Variants in NSUN7 observed in about 807,000 individuals in gnomAD.
NSUN7 encodes protein NSUN7.
NSUN7 carries 39 observed loss-of-function variants against 58.5 expected under a neutral mutation model. The observed-to-expected ratio is 0.67, with a 90% CI of 0.52 to 0.87. The LOEUF (loss-of-function observed/expected upper bound fraction) is 0.87. NSUN7 is among the 40% of genes least tolerant of loss of function. The pLI is 0.00. For synonymous variants in NSUN7, 278 were observed against 303.7 expected, an observed-to-expected ratio of 0.92 and a Z score of 0.88; for missense variants, 765 against 844.1, an observed-to-expected ratio of 0.91 and a Z score of 1.16.
chr4:40,790,189 TCTCAGTCTTCA>T (rs1303486120), intron 7 of NSUN7, among the ~76,000 whole-genome samples: 1 of 151,958 alleles, frequency 6.6e-6, no homozygotes, highest in African/African-American at 2.4e-5. Flanking sequence ...AACTACTTTA[TCTCAGTCTTCA>T]CCACAGTTAT....
intron 7 of NSUN7, among the ~76,000 whole-genome samples, chr4:40,786,904 A>T (rs1742850884): frequency 6.6e-6 from 1 of 152,202 alleles, no homozygotes; most frequent in African/African-American, 2.4e-5. Flanking sequence ...TGCTTCTTAA[A>T]GTGGTCTCTT....
intron 2 of NSUN7, among the ~76,000 whole-genome samples, chr4:40,752,452 ACT>A (rs1374094039): frequency 2.0e-5 from 3 of 152,064 alleles, no homozygotes; most frequent in Admixed American, 1.3e-4. Context: ...ATGGAGTCTC[ACT>A]CTGTCGCCCA....
intron 7 of NSUN7, among the ~76,000 whole-genome samples, chr4:40,787,704 TA>T (rs1411549914): frequency 3.3e-5 from 5 of 152,228 alleles, no homozygotes; most frequent in Non-Finnish European, 7.3e-5. Flanking sequence ...TTAAAAATTT[TA>T]TTCCTATATG....
chr4:40,796,368 TG>T (rs1743325306), intron 9 of NSUN7, among the ~76,000 whole-genome samples: 1 of 151,710 alleles, frequency 6.6e-6, no homozygotes, highest in East Asian at 1.9e-4. Context: ...GGGCTAGGCA[TG>T]GTGGCTCATG....
intron 10 of NSUN7, among the ~76,000 whole-genome samples, chr4:40,804,564 T>G (rs1394767873): frequency 6.6e-6 from 1 of 152,220 alleles, no homozygotes; most frequent in African/African-American, 2.4e-5. Context: ...ATTTAGTAAT[T>G]ACATTTTCCA....
chr4:40,805,233 A>C (rs1353829120), intron 10 of NSUN7, among the ~76,000 whole-genome samples: 1 of 152,180 alleles, frequency 6.6e-6, no homozygotes, highest in Non-Finnish European at 1.5e-5. Flanking sequence ...CTGGCATGGC[A>C]CAGCCAGGTT....
At position 40,811,042 on chromosome 4, in the gene NSUN7, A is replaced by AATT. The variant is rs1744297659; in HGVS notation, c.*2104_*2106dup. 1.3e-5 allele frequency: 2 copies of AATT among 152,198 alleles called. No individual in the cohort carries two copies. Among genetic ancestry groups the AATT allele is most frequent in the East Asian group, 3.8e-4 (2 of 5,204 alleles). 9.4% of individuals were successfully genotyped at this position (152,198 alleles called of 1,614,324 possible). ...TCATTGTTATGGAATAGTTTAGGAT[A>AATT]ATTTTCTGATCTCTACAGTAGCATG... On this transcript the variant is annotated 3_prime_UTR_variant, in exon 12 of 12. Transcript: ENST00000381782.
intron 4 of NSUN7, among the ~76,000 whole-genome samples, chr4:40,765,352 G>A (rs1354227744): frequency 7.0e-6 from 1 of 141,936 alleles, no homozygotes; most frequent in African/African-American, 2.6e-5. Context: ...TTTCCCCATT[G>A]CTTGTTTTTC....
intron 2 of NSUN7, among the ~76,000 whole-genome samples, chr4:40,757,347 G>A (rs1026964068): frequency 5.3e-5 from 8 of 152,066 alleles, no homozygotes; most frequent in African/African-American, 1.9e-4. Context: ...TAAGTGTTCC[G>A]AATGTGTTTA....
intron 7 of NSUN7, among the ~76,000 whole-genome samples, chr4:40,784,462 T>C (rs1014152245): frequency 2.0e-5 from 3 of 152,214 alleles, no homozygotes; most frequent in Admixed American, 6.5e-5. Flanking sequence ...GAAATCCTAA[T>C]GGTGCAAGAT....
chr4:40,772,188 G>A (rs753246228), intron 4 of NSUN7, among the ~76,000 whole-genome samples: 5 of 151,876 alleles, frequency 3.3e-5, no homozygotes, highest in Admixed American at 6.6e-5. Flanking sequence ...CACTCCTCCC[G>A]TATACACAGC....
intron 4 of NSUN7, among the ~76,000 whole-genome samples, chr4:40,767,828 T>C (rs569256272): frequency 6.6e-6 from 1 of 152,224 alleles, no homozygotes. Context: ...CTTCATTTTT[T>C]TCCTCTGCAC....
At chr4:40,793,761 T>C (rs897314271) in intron 8 of NSUN7, among the ~76,000 whole-genome samples, 28 of 152,368 alleles carry the variant, frequency 1.8e-4, no homozygotes, top group East Asian at 1.3e-3. Flanking sequence ...TTAGAAGGGC[T>C]AGTAATTCTT....
intron 9 of NSUN7, among the ~76,000 whole-genome samples, chr4:40,798,034 C>G (rs140656705): frequency 5.6e-4 from 86 of 152,340 alleles, no homozygotes; most frequent in African/African-American, 2.0e-3. Flanking sequence ...AGTCTACCCA[C>G]AGTTTGCCAT....
intron 10 of NSUN7, among the ~76,000 whole-genome samples, chr4:40,802,616 A>G (rs1415033950): frequency 8.7e-6 from 1 of 114,384 alleles, no homozygotes; most frequent in African/African-American, 3.5e-5. Context: ...CTGAATAGCA[A>G]CTACATGGAT....
intron 2 of NSUN7, 112 bp downstream of exon 2, chr4:40,751,103 A>G (rs1740808648): frequency 8.5e-7 from 1 of 1,171,100 alleles, no homozygotes; most frequent in Non-Finnish European, 1.2e-6. Flanking sequence ...TTTTGGTTTT[A>G]GGCATGTGCA....
intron 9 of NSUN7, among the ~76,000 whole-genome samples, chr4:40,796,868 C>A (rs181122517): frequency 6.6e-6 from 1 of 152,282 alleles, no homozygotes; most frequent in East Asian, 1.9e-4. Flanking sequence ...ATGTCCTCCC[C>A]CTTTGTAAAA....
At chr4:40,786,099 T>C in intron 7 of NSUN7, 1 of 1,547,932 alleles carries the variant, frequency 6.5e-7, no homozygotes, top group South Asian at 1.3e-5. Flanking sequence ...GGGACATTTA[T>C]TTGCACCTGG....
chr4:40,768,014 G>A (rs1439490974), intron 4 of NSUN7, among the ~76,000 whole-genome samples: 1 of 152,070 alleles, frequency 6.6e-6, no homozygotes, highest in East Asian at 1.9e-4. Context: ...CAGGTCAGGT[G>A]CAGTCTCTCG....
Sources: allele counts gnomAD v4.1 joint callset (sites outside exome capture counted in the v4.1 genomes callset), GRCh38; gene constraint gnomAD v4.1.1; transcripts MANE v1.5; gene names NCBI Gene and HGNC (gene_info 2026-07-23, HGNC 2026-07-21).